The following KDSR variants were observed in gnomAD, a reference collection of about 807,000 sequenced individuals.
KDSR encodes 3-ketodihydrosphingosine reductase.
In KDSR, 23 loss-of-function variants were observed where a neutral mutation model predicts 41.3. That is an observed-to-expected ratio of 0.56 (90% CI 0.40 to 0.79). The LOEUF is 0.79. Ranked by LOEUF, KDSR falls within the 30% of genes least tolerant of loss-of-function variation. The pLI, the probability that KDSR is intolerant of heterozygous loss-of-function variation, is 0.00. For synonymous variants in KDSR, 138 were observed against 151.7 expected (o/e 0.91, Z 0.66); for missense variants, 351 against 416.8 (o/e 0.84, Z 1.37).
At position 63,352,965 on chromosome 18, in the gene KDSR, G is replaced by A. The variant is rs1234750041; in HGVS notation, c.418-1886C>T. Among the ~76,000 whole-genome samples, 8 of 149,410 alleles carry A rather than the reference G, an allele frequency of 5.4e-5. No homozygotes were observed. The East Asian group carries it at 1.4e-3, about 26-fold the overall frequency. On this transcript the variant is annotated intron_variant, in intron 5 of 9. Coordinates refer to ENST00000645214, the MANE Select transcript of KDSR (RefSeq NM_002035.4). ...GTGGATTACCTGAGGTCAGGAGTTC[G>A]AGACCAGCGTGACCAACATGGTGAA...
chr18:63,349,838 C>G (rs1459519330), intron 6 of KDSR, among the ~76,000 whole-genome samples: 1 of 152,246 alleles, frequency 6.6e-6, no homozygotes, highest in Non-Finnish European at 1.5e-5. Context: ...TTCATTTACA[C>G]ATTGTCTAGT....
chr18:63,343,395 T>TC (rs1374646502), intron 7 of KDSR, among the ~76,000 whole-genome samples: 4 of 150,912 alleles, frequency 2.7e-5, no homozygotes, highest in Non-Finnish European at 5.9e-5. Flanking sequence ...ATTTTAATTT[T>TC]TTTTTTTTTT....
chr18:63,353,222 C>T (rs1209007381), intron 5 of KDSR, among the ~76,000 whole-genome samples: 3 of 151,764 alleles, frequency 2.0e-5, no homozygotes, highest in Non-Finnish European at 2.9e-5. Context: ...TGAAAAAAGA[C>T]GTCACACTGA....
chr18:63,349,776 C>T (rs998254349), intron 6 of KDSR, among the ~76,000 whole-genome samples: 1 of 152,228 alleles, frequency 6.6e-6, no homozygotes, highest in African/African-American at 2.4e-5. Context: ...CCAGATCTGG[C>T]CCTCTGCCTG....
Position 63,367,083 on chromosome 18 carries a change from GA to G in KDSR, c.35del (p.Phe12SerfsTer48). 1 of 1,336,104 alleles carries G rather than the reference GA, an allele frequency of 7.5e-7. No individual in the cohort carries two copies. Among genetic ancestry groups the G allele is most frequent in the South Asian group, 2.9e-5 (1 of 34,344 alleles). The allele number at this position is 1,336,104 out of a possible 1,614,324, so 82.8% of individuals were successfully genotyped here. On this transcript the variant is annotated frameshift_variant, in exon 1 of 10. Coordinates refer to ENST00000645214, the MANE Select transcript of KDSR (RefSeq NM_002035.4). LOFTEE classifies it high-confidence loss of function. ...LLLAAAFLVA[F>X]VLLLYMVSPL... ...GAGACACCATGTACAGCAGCAGCAC[GA>G]AGGCCACGAGGAAGGCGGCAGCCAG...
At chr18:63,366,890 C>T (rs931141978) in intron 1 of KDSR, 121 bp downstream of exon 1, 4 of 459,248 alleles carry the variant, frequency 8.7e-6, no homozygotes, top group Non-Finnish European at 1.4e-5. Flanking sequence ...TGACCTTCCC[C>T]ATTTGGCCAT....
At chr18:63,338,928 T>C in intron 7 of KDSR, 45 bp from the exon 8 acceptor site, 1 of 1,106,074 alleles carries the variant, frequency 9.0e-7, no homozygotes, top group Non-Finnish European at 1.3e-6. Flanking sequence ...TGATTGCCCA[T>C]TACATTAAAA....
chr18:63,363,219 C>CTTTTTTTTT (rs1185123481), intron 1 of KDSR, among the ~76,000 whole-genome samples: 1 of 111,456 alleles, frequency 9.0e-6, no homozygotes, highest in Non-Finnish European at 1.9e-5. Context: ...TTTTTTTTTT[C>CTTTTTTTTT]TTTTTTTTTT....
Position 63,328,346 on chromosome 18 carries a change from A to G in KDSR, c.*3436T>C, listed in dbSNP as rs979324948. 1.6e-4 allele frequency: 25 copies of G among 156,326 alleles called. No homozygotes were observed. Among genetic ancestry groups the G allele is most frequent in the Non-Finnish European group, 2.5e-4 (19 of 74,614 alleles). 9.7% of individuals were successfully genotyped at this position (156,326 alleles called of 1,614,324 possible). On this transcript the variant is annotated 3_prime_UTR_variant, in exon 10 of 10. Transcript: ENST00000645214. ...TATGGTTTAACAGATCCAGATAAAG[A>G]TTTTTTTTCTTTTTTTTTTTTTTTG... is the stretch of plus-strand genomic sequence containing the variant.
chr18:63,329,143 A>G lies in KDSR; in HGVS notation c.*2639T>C, dbSNP rs183499262. ...TATAAAAAATAGAATTTGCCTTGTA[A>G]TATTTTCATGTTTTGGATGAAGTCA... On this transcript the variant is annotated 3_prime_UTR_variant, in exon 10 of 10. Coordinates refer to ENST00000645214, the MANE Select transcript of KDSR (RefSeq NM_002035.4). 58 of 202,492 alleles carry G rather than the reference A, an allele frequency of 2.9e-4. No individual in the cohort carries two copies. Among genetic ancestry groups the G allele is most frequent in the African/African-American group, 1.2e-3 (51 of 43,744 alleles). The allele number at this position is 202,492 out of a possible 1,614,324, so 12.5% of individuals were successfully genotyped here.
intron 4 of KDSR, 22 bp from the exon 5 acceptor site, chr18:63,355,321 G>A (rs1156894308): frequency 1.9e-6 from 3 of 1,608,638 alleles, no homozygotes; most frequent in Non-Finnish European, 2.5e-6. Flanking sequence ...TAGCAGAGCA[G>A]GCATTAAGAA....
Position 63,330,073 on chromosome 18 carries a change from A to G in KDSR, c.*1709T>C, listed in dbSNP as rs1036469063. On this transcript the variant is annotated 3_prime_UTR_variant, in exon 10 of 10. Transcript: ENST00000645214. ...TATCTATCAGTGTTTAAAATATGCT[A>G]TTCTCAGATCTTAATAAAAACATGG... The G allele has an allele frequency of 1.6e-5, 3 of 185,244 alleles. No homozygotes were observed. The highest frequency in any genetic ancestry group is 3.4e-5 in the Non-Finnish European group (3 of 87,454). 11.5% of individuals were successfully genotyped at this position (185,244 alleles called of 1,614,324 possible).
Position 63,355,385 on chromosome 18 carries a change from A to G in KDSR, c.322-86T>C, listed in dbSNP as rs142417087. ...ATCCATGCTGATAAATAAAATTTAC[A>G]AAACTATTAAACCTATAGAGAAGTT... On this transcript the variant is annotated intron_variant, in intron 4 of 9. Coordinates refer to ENST00000645214, the MANE Select transcript of KDSR (RefSeq NM_002035.4). The G allele has an allele frequency of 3.8e-4, 612 of 1,604,696 alleles. 1 individual carries two copies. The African/African-American group carries it at 7.5e-3, about 20-fold the overall frequency.
At chr18:63,355,177 C>T (rs770754776) in intron 5 of KDSR, 27 bp downstream of exon 5, 37 of 1,454,186 alleles carry the variant, frequency 2.5e-5, no homozygotes, top group Admixed American at 6.7e-5. Context: ...ATATGTGCTA[C>T]TGCAGTGAGC....
At position 63,330,622 on chromosome 18, in the gene KDSR, A is replaced by C; in HGVS notation, c.*1160T>G. The stretch of plus-strand genomic sequence containing the variant: ...AGGTGATCATTTTATTTCAAAAGCA[A>C]CTCTCTTCAAAATCAGCCTTGTCTT... On this transcript the variant is annotated 3_prime_UTR_variant, in exon 10 of 10. Coordinates refer to ENST00000645214, the MANE Select transcript of KDSR (RefSeq NM_002035.4). The C allele has an allele frequency of 4.3e-6, 1 of 231,680 alleles. No homozygotes were observed. Among genetic ancestry groups the C allele is most frequent in the Non-Finnish European group, 8.5e-6 (1 of 117,126 alleles). The allele number at this position is 231,680 out of a possible 1,614,324, so 14.4% of individuals were successfully genotyped here. A position where few individuals can be genotyped will look rare whatever the true frequency, so the allele number is the denominator to read the frequency against.
Position 63,344,388 on chromosome 18 carries a change from T to C in KDSR, c.693+22A>G, listed in dbSNP as rs755160626. The C allele has an allele frequency of 4.5e-6, 7 of 1,549,930 alleles. No individual in the cohort carries two copies. The Admixed American group carries it at 5.0e-5, about 11-fold the overall frequency. ...AAGCAGTAAACATTAGAGGTTCAAA[T>C]TGGGACATGTAGGATACTGACCTTT... is the stretch of plus-strand genomic sequence containing the variant. On this transcript the variant is annotated intron_variant, in intron 7 of 9. Coordinates refer to ENST00000645214, the MANE Select transcript of KDSR (RefSeq NM_002035.4).
intron 7 of KDSR, among the ~76,000 whole-genome samples, chr18:63,340,414 G>A (rs1017536983): frequency 6.6e-6 from 1 of 152,180 alleles, no homozygotes; most frequent in Non-Finnish European, 1.5e-5. Context: ...ACAGTCTAGG[G>A]AGTTTAAGTG....
intron 6 of KDSR, among the ~76,000 whole-genome samples, chr18:63,349,512 A>G: frequency 6.6e-6 from 1 of 152,286 alleles, no homozygotes; most frequent in East Asian, 1.9e-4. Context: ...CCTATTGGCT[A>G]AGCATATTAT....
rs1218223134 is a variant in KDSR, at chr18:63,328,837, AAAT to A, written c.*2942_*2944del. 1.1e-5 allele frequency: 2 copies of A among 185,928 alleles called. No homozygotes were observed. The highest frequency in any genetic ancestry group is 8.7e-5 in the East Asian group (1 of 11,488). 11.5% of individuals were successfully genotyped at this position (185,928 alleles called of 1,614,324 possible). On this transcript the variant is annotated 3_prime_UTR_variant, in exon 10 of 10. Transcript: ENST00000645214. The stretch of plus-strand genomic sequence containing the variant: ...ATATACTTGCAAATACATTATAATA[AAAT>A]AATACAACCAAATCAAAAAGCAGCC...
Sources: allele counts gnomAD v4.1 joint callset (sites outside exome capture counted in the v4.1 genomes callset), GRCh38; gene constraint gnomAD v4.1.1; transcripts MANE v1.5; gene names NCBI Gene and HGNC (gene_info 2026-07-23, HGNC 2026-07-21).